ADAM7: variants seen among roughly 807,000 people sequenced by gnomAD.
The protein encoded by ADAM7 is ADAM metallopeptidase domain 7.
In ADAM7, 97 loss-of-function variants were observed where a neutral mutation model predicts 102.9. The ratio of observed to expected loss-of-function variants is 0.94; its 90% confidence interval spans 0.80 to 1.12. ADAM7 has a LOEUF of 1.12. ADAM7 is among the 50% of genes most tolerant of loss of function. The pLI, the probability that ADAM7 is intolerant of heterozygous loss-of-function variation, is 0.00. For missense variants in ADAM7, 991 were observed against 908.7 expected, an observed-to-expected ratio of 1.09 and a Z score of -1.16; for synonymous variants, 334 against 304.4, an observed-to-expected ratio of 1.10 and a Z score of -1.01.
intron 8 of ADAM7, 97 bp from the exon 9 acceptor site, chr8:24,482,045 A>G: frequency 1.1e-6 from 1 of 916,684 alleles, no homozygotes; most frequent in South Asian, 1.9e-5. Flanking sequence ...CACAAGTTCA[A>G]ATTATTGTTT....
chr8:24,447,165 G>C (rs367899328), intron 2 of ADAM7, 21 bp from the exon 3 acceptor site: 1 of 1,459,348 alleles, frequency 6.9e-7, no homozygotes, highest in Non-Finnish European at 9.4e-7. Flanking sequence ...TTGAAGTCAC[G>C]TGATGCCTCT....
At chr8:24,471,400 C>T (rs1292691775) in intron 7 of ADAM7, among the ~76,000 whole-genome samples, 3 of 151,682 alleles carry the variant, frequency 2.0e-5, no homozygotes, top group Non-Finnish European at 4.4e-5. Context: ...TTCTTTGACT[C>T]GTCCAGAGAA....
chr8:24,503,293 T>C lies in ADAM7; in HGVS notation c.2208+1717T>C, dbSNP rs1820825596. Among the ~76,000 whole-genome samples the C allele has an allele frequency of 2.0e-5, 3 of 152,126 alleles. 1 individual carries two copies. Among genetic ancestry groups the C allele is most frequent in the South Asian group, 4.1e-4 (2 of 4,830 alleles). On this transcript the variant is annotated intron_variant, in intron 20 of 21. Transcript: ENST00000175238. ...CTGCAAATCACAGCTTGTTCAATAA[T>C]TGTAGCAACAGCGATAATTTCCAAT...
rs774948691 is a variant in ADAM7, at chr8:24,490,872, G to A, written c.1340G>A (p.Cys447Tyr). ...KPGFTCAEGE[C>Y]CESCQIKKAG... ...GGATTTACTTGTGCAGAAGGAGAATGCTGTGAATCTTGTCAGGTAAGGTCA... is the reference window on the plus strand; with the variant it reads ...GGATTTACTTGTGCAGAAGGAGAATACTGTGAATCTTGTCAGGTAAGGTCA... The change falls in exon 13 of 22, where the codon TGC becomes TAC. Residue 447 changes from cysteine (C) to tyrosine (Y), a missense_variant. Coordinates refer to ENST00000175238, the MANE Select transcript of ADAM7 (RefSeq NM_003817.4). 1 of 1,613,436 alleles carries A rather than the reference G, an allele frequency of 6.2e-7. No individual in the cohort carries two copies. Among genetic ancestry groups the A allele is most frequent in the Admixed American group, 1.7e-5 (1 of 59,988 alleles).
chr8:24,508,062 C>T (rs1821009885), intron 21 of ADAM7, among the ~76,000 whole-genome samples: 1 of 152,104 alleles, frequency 6.6e-6, no homozygotes, highest in South Asian at 2.1e-4. Flanking sequence ...AGAAAATGAG[C>T]ATGGCTTCAG....
At chr8:24,463,845 C>T (rs576717055) in intron 3 of ADAM7, 37 bp from the exon 4 acceptor site, 162 of 1,558,162 alleles carry the variant, frequency 1.0e-4, no homozygotes, top group Non-Finnish European at 1.3e-4. Flanking sequence ...GTTTTTAGAA[C>T]GAACAAATCT....
At chr8:24,479,905 G>T (rs1414316957) in intron 8 of ADAM7, among the ~76,000 whole-genome samples, 2 of 152,144 alleles carry the variant, frequency 1.3e-5, no homozygotes, top group African/African-American at 4.8e-5. Context: ...AAAAATATAT[G>T]ATTTTCTAGA....
chr8:24,493,168 T>G lies in ADAM7; in HGVS notation c.1781T>G (p.Leu594Ter). The change falls in exon 16 of 22, where the codon TTA becomes TGA. Residue 594 changes from leucine (L) to a stop codon, truncating the protein, a stop_gained. Coordinates refer to ENST00000175238, the MANE Select transcript of ADAM7 (RefSeq NM_003817.4). LOFTEE classifies it high-confidence loss of function. ...NATVKCKTIF[L>*]YHDSTDIGLV... ...ACTGTCAAATGCAAAACTATTTTTTTATACCATGATTCTACAGACATTGGC... is the reference window on the plus strand; with the variant it reads ...ACTGTCAAATGCAAAACTATTTTTTGATACCATGATTCTACAGACATTGGC... 6 of 1,613,430 alleles carry G rather than the reference T, an allele frequency of 3.7e-6. No individual in the cohort carries two copies. Among genetic ancestry groups the G allele is most frequent in the Non-Finnish European group, 5.1e-6 (6 of 1,179,652 alleles).
intron 16 of ADAM7, 39 bp from the exon 17 acceptor site, chr8:24,499,197 T>C (rs1359576778): frequency 6.8e-7 from 1 of 1,465,988 alleles, no homozygotes; most frequent in East Asian, 2.5e-5. Flanking sequence ...ACATCAATTG[T>C]AAGTCATTTT....
chr8:24,501,896 A>T (rs7015284), intron 20 of ADAM7, among the ~76,000 whole-genome samples: 3,136 of 152,222 alleles, frequency 0.021, 119 homozygotes, highest in African/African-American at 0.072. Context: ...GTTTTAACAA[A>T]CTTAAAAGAA....
At chr8:24,443,090 T>C (rs945860178) in intron 2 of ADAM7, among the ~76,000 whole-genome samples, 3 of 152,194 alleles carry the variant, frequency 2.0e-5, no homozygotes, top group African/African-American at 4.8e-5. Flanking sequence ...ATAATATATG[T>C]AAGAGGGAAC....
chr8:24,492,446 A>G, intron 14 of ADAM7, 49 bp from the exon 15 acceptor site: 1 of 1,312,416 alleles, frequency 7.6e-7, no homozygotes. Context: ...TTTATGATTC[A>G]TGATAGTCAT....
chr8:24,504,640 A>T lies in ADAM7; in HGVS notation c.2209-2840A>T, dbSNP rs574291280. On this transcript the variant is annotated intron_variant, in intron 20 of 21. Coordinates refer to ENST00000175238, the MANE Select transcript of ADAM7 (RefSeq NM_003817.4). ...ATTGCCAGTATTTTAAAATCAGGAT[A>T]TTTTTGGTTGGTGGGGTGGTCTGGT... Among the ~76,000 whole-genome samples the T allele has an allele frequency of 2.0e-5, 3 of 152,214 alleles. No individual in the cohort carries two copies. The South Asian group carries it at 6.2e-4, about 32-fold the overall frequency.
At chr8:24,475,196 C>G (rs1819728515) in intron 7 of ADAM7, among the ~76,000 whole-genome samples, 1 of 152,132 alleles carries the variant, frequency 6.6e-6, no homozygotes, top group South Asian at 2.1e-4. Context: ...CATTCCTCCT[C>G]CCTCCCCTCT....
At chr8:24,454,062 T>C (rs189521846) in intron 3 of ADAM7, among the ~76,000 whole-genome samples, 1 of 152,266 alleles carries the variant, frequency 6.6e-6, no homozygotes, top group East Asian at 1.9e-4. Flanking sequence ...CTGCCCCTAC[T>C]GGGGGGTGCC....
chr8:24,500,820 T>C lies in ADAM7; in HGVS notation c.2033T>C (p.Leu678Pro), dbSNP rs1489629745. 4 of 1,613,474 alleles carry C rather than the reference T, an allele frequency of 2.5e-6. No individual in the cohort carries two copies. Among genetic ancestry groups the C allele is most frequent in the Non-Finnish European group, 3.4e-6 (4 of 1,179,568 alleles). The change falls in exon 19 of 22, where the codon CTG becomes CCG. Residue 678 changes from leucine (L) to proline (P), a missense_variant. Physicochemically the swap from Leu to Pro is moderately conservative, Grantham distance 98. Transcript: ENST00000175238. ...ACCATCTTGGTTGTTGTGCTTGTCC[T>C]GGTTATTGTCGGTATCGGAGTTCTT... The part of the protein sequence containing the change: ...NITILVVVLV[L>P]VIVGIGVLIL...
At chr8:24,499,836 TCACA>T (rs113407082) in intron 17 of ADAM7, among the ~76,000 whole-genome samples, 3 of 140,852 alleles carry the variant, frequency 2.1e-5, no homozygotes, top group Admixed American at 7.1e-5. Flanking sequence ...ACATCACACA[TCACA>T]CACACACACA....
At chr8:24,474,578 T>A (rs907568720) in intron 7 of ADAM7, among the ~76,000 whole-genome samples, 1 of 152,058 alleles carries the variant, frequency 6.6e-6, no homozygotes, top group South Asian at 2.1e-4. Context: ...ATTAATGATA[T>A]ATATGATAGC....
At position 24,467,002 on chromosome 8, in the gene ADAM7, T is replaced by C; in HGVS notation, c.579+14T>C. ...TCCAAAATAAAAGTGAGTACTTTAT[T>C]ATTATCTTTACCCCAAATGAAACAC... On this transcript the variant is annotated intron_variant, in intron 6 of 21. Transcript: ENST00000175238. The C allele has an allele frequency of 6.3e-7, 1 of 1,599,476 alleles. No homozygotes were observed. Among genetic ancestry groups the C allele is most frequent in the Non-Finnish European group, 8.5e-7 (1 of 1,169,862 alleles).
Sources: gnomAD v4.1 joint callset for allele counts (sites outside exome capture counted in the v4.1 genomes callset) on GRCh38, gnomAD v4.1.1 for gene constraint, MANE v1.5 for transcripts, NCBI Gene and HGNC (gene_info 2026-07-23, HGNC 2026-07-21) for gene names.